PARD3: variants seen among roughly 807,000 people sequenced by gnomAD.
The protein encoded by PARD3 is partitioning defective 3 homolog.
In PARD3, 75 loss-of-function variants were observed where a neutral mutation model predicts 155.4. The ratio of observed to expected loss-of-function variants is 0.48; its 90% CI spans 0.40 to 0.58. The LOEUF (loss-of-function observed/expected upper bound fraction) is 0.58, where lower values mean the gene tolerates loss of function less well. Ranked by LOEUF, PARD3 falls within the 20% of genes least tolerant of loss-of-function variation. The pLI is 0.00. For missense variants in PARD3, 1,642 were observed against 1,721.7 expected, an observed-to-expected ratio of 0.95 and a Z score of 0.82; for synonymous variants, 576 against 610.5, an observed-to-expected ratio of 0.94 and a Z score of 0.83.
At chr10:34,241,096 G>A (rs1953559969) in intron 22 of PARD3, among the ~76,000 whole-genome samples, 1 of 152,198 alleles carries the variant, frequency 6.6e-6, no homozygotes, top group African/African-American at 2.4e-5. Flanking sequence ...AGGGCAATGT[G>A]AGATATGGAT....
chr10:34,607,294 G>A (rs907683137), intron 2 of PARD3, among the ~76,000 whole-genome samples: 2 of 152,096 alleles, frequency 1.3e-5, no homozygotes, highest in Non-Finnish European at 2.9e-5. Context: ...ACCCTCCAGG[G>A]TACACACAAA....
At chr10:34,511,157 T>C (rs964869068) in intron 3 of PARD3, among the ~76,000 whole-genome samples, 9 of 152,232 alleles carry the variant, frequency 5.9e-5, no homozygotes, top group South Asian at 2.1e-4. Flanking sequence ...ACTAGGCTGA[T>C]TGCACCCCTA....
intron 2 of PARD3, among the ~76,000 whole-genome samples, chr10:34,575,427 A>G (rs1172103662): frequency 6.6e-6 from 1 of 152,194 alleles, no homozygotes; most frequent in Non-Finnish European, 1.5e-5. Context: ...AATTGGAAAA[A>G]TTTGGTAGAC....
intron 1 of PARD3, among the ~76,000 whole-genome samples, chr10:34,779,063 C>T (rs1349322116): frequency 2.0e-5 from 3 of 152,238 alleles, no homozygotes; most frequent in Admixed American, 2.0e-4. Flanking sequence ...GTAATCCCAG[C>T]ACTTTGGGAG....
At chr10:34,265,500 C>T (rs972024672) in intron 22 of PARD3, among the ~76,000 whole-genome samples, 5 of 152,156 alleles carry the variant, frequency 3.3e-5, no homozygotes, top group Admixed American at 6.5e-5. Context: ...ATCAGACTGT[C>T]AACTGCCTGC....
In PARD3 at chr10:34,815,078, G is replaced by C. The variant is rs568398808; in HGVS notation, c.-83C>G. ...GGCCGGGACCGAGGACGCTGGGCGC[G>C]GAGGAGCCGCTGGGGACTCGGGCGC... On this transcript the variant is annotated 5_prime_UTR_variant, in exon 1 of 25. Coordinates refer to ENST00000374788, the MANE Select transcript of PARD3 (RefSeq NM_001184785.2). The C allele has an allele frequency of 1.3e-3, 1,360 of 1,021,156 alleles. 2 individuals carry two copies. Among genetic ancestry groups the C allele is most frequent in the Non-Finnish European group, 1.5e-3 (1,266 of 822,436 alleles). The allele number at this position is 1,021,156 out of a possible 1,614,324, so 63.3% of individuals were successfully genotyped here. A position where few individuals can be genotyped will look rare whatever the true frequency, so the allele number is the denominator to read the frequency against.
chr10:34,662,994 T>A (rs1227866432), intron 2 of PARD3, among the ~76,000 whole-genome samples: 1 of 151,802 alleles, frequency 6.6e-6, no homozygotes, highest in Non-Finnish European at 1.5e-5. Context: ...ACAACTGAAA[T>A]CATGGAAATA....
intron 2 of PARD3, among the ~76,000 whole-genome samples, chr10:34,679,211 C>A (rs918119706): frequency 6.6e-6 from 1 of 152,102 alleles, no homozygotes; most frequent in African/African-American, 2.4e-5. Context: ...CCTAAGTAAC[C>A]CCTCAATGGA....
intron 12 of PARD3, among the ~76,000 whole-genome samples, chr10:34,362,068 A>C (rs1051055544): frequency 6.6e-6 from 1 of 151,972 alleles, no homozygotes; most frequent in Non-Finnish European, 1.5e-5. Flanking sequence ...ACGAGGTCGA[A>C]GCAGGTGGAT....
intron 1 of PARD3, among the ~76,000 whole-genome samples, chr10:34,797,877 C>T (rs1460334553): frequency 6.6e-6 from 1 of 152,190 alleles, no homozygotes; most frequent in African/African-American, 2.4e-5. Context: ...TGACCTTGCA[C>T]ATGTGTTGTC....
At chr10:34,405,278 C>T (rs1338534861) in intron 5 of PARD3, among the ~76,000 whole-genome samples, 1 of 151,920 alleles carries the variant, frequency 6.6e-6, no homozygotes, top group Admixed American at 6.6e-5. Flanking sequence ...GAAAACAAAC[C>T]TCGATAAATC....
At position 34,168,706 on chromosome 10, in the gene PARD3, A is replaced by G. The variant is rs549863609; in HGVS notation, c.3420-37123T>C. Among the ~76,000 whole-genome samples, 5 of 152,346 alleles carry G rather than the reference A, an allele frequency of 3.3e-5. No individual in the cohort carries two copies. In the South Asian group the frequency reaches 6.2e-4, roughly 19 times the overall value. On this transcript the variant is annotated intron_variant, in intron 22 of 24. Coordinates refer to ENST00000374788, the MANE Select transcript of PARD3 (RefSeq NM_001184785.2). Reference sequence around the variant, plus strand: ...ACAGCTGTGTCCTGATGTTTTGCCAATCTGTGCTCATAAAACATGATGTTT... The same window carrying G: ...ACAGCTGTGTCCTGATGTTTTGCCAGTCTGTGCTCATAAAACATGATGTTT...
At chr10:34,112,936 G>A (rs1341362127) in intron 24 of PARD3, among the ~76,000 whole-genome samples, 1 of 152,172 alleles carries the variant, frequency 6.6e-6, no homozygotes, top group African/African-American at 2.4e-5. Context: ...GTCAGCCCAG[G>A]CAAGAATCCT....
chr10:34,144,799 G>T (rs1287310158), intron 22 of PARD3, among the ~76,000 whole-genome samples: 3 of 151,998 alleles, frequency 2.0e-5, no homozygotes, highest in South Asian at 2.1e-4. Context: ...TGATTTTTCA[G>T]ATTTCCAGGA....
Position 34,211,582 on chromosome 10 carries a change from G to A in PARD3, c.3419+58075C>T, listed in dbSNP as rs144330905. Among the ~76,000 whole-genome samples, 631 of 152,286 alleles carry A rather than the reference G, an allele frequency of 4.1e-3. 12 individuals carry two copies. The highest frequency in any genetic ancestry group is 0.03 in the Admixed American group (465 of 15,300). On this transcript the variant is annotated intron_variant, in intron 22 of 24. Transcript: ENST00000374788. The stretch of plus-strand genomic sequence containing the variant: ...GGATCACTTGAGATCAGGAGTTCGA[G>A]ACTAGCCTGGCCAACATGGTGAAAC...
At chr10:34,748,039 A>G (rs1429951280) in intron 1 of PARD3, among the ~76,000 whole-genome samples, 1 of 137,104 alleles carries the variant, frequency 7.3e-6, no homozygotes, top group Non-Finnish European at 1.5e-5. Flanking sequence ...GGTTACCACC[A>G]TGACAAGCCA....
At chr10:34,521,043 T>G (rs1366992355) in intron 2 of PARD3, among the ~76,000 whole-genome samples, 1 of 152,214 alleles carries the variant, frequency 6.6e-6, no homozygotes, top group Non-Finnish European at 1.5e-5. Flanking sequence ...CTTTTCACAA[T>G]GATGTGTTCT....
In PARD3 at chr10:34,119,922, A is replaced by G. The variant is rs1042548996; in HGVS notation, c.3541-182T>C. Among the ~76,000 whole-genome samples, 4 of 152,014 alleles carry G rather than the reference A, an allele frequency of 2.6e-5. No homozygotes were observed. The East Asian group carries it at 7.7e-4, about 29-fold the overall frequency. ...CATATATTTGCTCTTATGAGCCCAT[A>G]AACACTCAATTTTCTTAAACTGTGA... On this transcript the variant is annotated intron_variant, in intron 23 of 24. Coordinates refer to ENST00000374788, the MANE Select transcript of PARD3 (RefSeq NM_001184785.2).
rs568921727 is a variant in PARD3 at position 34,673,971 on chromosome 10, C to T, written c.222+22347G>A. The stretch of plus-strand genomic sequence containing the variant: ...CTGCACTCCAGCATGGAAGACAGAG[C>T]GAGAGTCTGCATCAAAAAAAAAAAA... On this transcript the variant is annotated intron_variant, in intron 2 of 24. Transcript: ENST00000374788. 1.3e-4 allele frequency among the ~76,000 whole-genome samples: 18 copies of T among 136,554 alleles called. No homozygotes were observed. In the East Asian group the frequency reaches 3.7e-3, roughly 28 times the overall value. 89.6% of individuals were successfully genotyped at this position (136,554 alleles called of 152,430 possible). A position where few individuals can be genotyped will look rare whatever the true frequency, so the allele number is the denominator to read the frequency against.
Sources: gnomAD v4.1 joint callset for allele counts (sites outside exome capture counted in the v4.1 genomes callset) on GRCh38, gnomAD v4.1.1 for gene constraint, MANE v1.5 for transcripts, NCBI Gene and HGNC (gene_info 2026-07-23, HGNC 2026-07-21) for gene names.